The following CTNND2 variants were observed in gnomAD, a reference collection of about 807,000 sequenced individuals.
CTNND2 encodes the protein catenin delta-2.
In CTNND2, 22 loss-of-function variants were observed where a neutral mutation model predicts 144.4. The observed-to-expected ratio is 0.15, with a 90% CI of 0.11 to 0.22. The LOEUF is 0.22. CTNND2 is among the 10% of genes least tolerant of loss of function. CTNND2 has a pLI of 1.00. For missense variants in CTNND2, 1,353 were observed against 1,618.8 expected (o/e 0.84, Z 2.82); for synonymous variants, 751 against 695.6 (o/e 1.08, Z -1.25).
chr5:11,176,177 T>C (rs1179715197), intron 11 of CTNND2, among the ~76,000 whole-genome samples: 1 of 152,208 alleles, frequency 6.6e-6, no homozygotes, highest in Non-Finnish European at 1.5e-5. Context: ...CTTCTTCTTA[T>C]CATTTTTGTG....
At chr5:11,102,858 G>A (rs377708742) in intron 14 of CTNND2, among the ~76,000 whole-genome samples, 5 of 151,964 alleles carry the variant, frequency 3.3e-5, no homozygotes, top group South Asian at 2.1e-4. Flanking sequence ...TAACATATGC[G>A]TGGGGCTGTG....
At chr5:11,059,473 T>C (rs2149592767) in intron 16 of CTNND2, among the ~76,000 whole-genome samples, 1 of 152,344 alleles carries the variant, frequency 6.6e-6, no homozygotes, top group Non-Finnish European at 1.5e-5. Flanking sequence ...TCCCCAGTCA[T>C]GTGGAACTGT....
intron 16 of CTNND2, among the ~76,000 whole-genome samples, chr5:11,044,127 C>T (rs1264636506): frequency 2.0e-5 from 3 of 152,186 alleles, no homozygotes; most frequent in East Asian, 1.9e-4. Flanking sequence ...TGTCTGCTCT[C>T]ATTCTGCAAT....
intron 2 of CTNND2, among the ~76,000 whole-genome samples, chr5:11,585,610 T>C (rs1778799347): frequency 6.6e-6 from 1 of 151,874 alleles, no homozygotes; most frequent in South Asian, 2.1e-4. Flanking sequence ...CAGACAAAAA[T>C]CCCTGCCTTC....
intron 3 of CTNND2, among the ~76,000 whole-genome samples, chr5:11,525,514 T>C (rs1773164251): frequency 6.6e-6 from 1 of 152,180 alleles, no homozygotes; most frequent in South Asian, 2.1e-4. Flanking sequence ...TAACATTCCA[T>C]CACCTACCTA....
At chr5:11,138,800 G>A (rs933912332) in intron 12 of CTNND2, among the ~76,000 whole-genome samples, 31 of 152,290 alleles carry the variant, frequency 2.0e-4, no homozygotes, top group African/African-American at 7.5e-4. Context: ...GGTCATGAGA[G>A]CTCTGCTCCA....
At chr5:11,247,674 A>C (rs527731336) in intron 9 of CTNND2, among the ~76,000 whole-genome samples, 3 of 152,368 alleles carry the variant, frequency 2.0e-5, no homozygotes, top group African/African-American at 7.2e-5. Context: ...GGAATGATGT[A>C]AAATGATTAG....
chr5:11,165,915 A>G (rs1166134833), intron 11 of CTNND2, among the ~76,000 whole-genome samples: 1 of 152,200 alleles, frequency 6.6e-6, no homozygotes, highest in African/African-American at 2.4e-5. Context: ...TGTTTTAATA[A>G]AAGCAAGTTT....
chr5:11,292,579 T>G (rs1748462656), intron 9 of CTNND2, among the ~76,000 whole-genome samples: 1 of 152,110 alleles, frequency 6.6e-6, no homozygotes, highest in Non-Finnish European at 1.5e-5. Context: ...GTTTGACAGT[T>G]CCTCCTTCAC....
chr5:11,512,808 C>T (rs1164607265), intron 3 of CTNND2, among the ~76,000 whole-genome samples: 1 of 152,206 alleles, frequency 6.6e-6, no homozygotes, highest in Non-Finnish European at 1.5e-5. Flanking sequence ...GCTGAGACAA[C>T]ATGAGTGTGT....
chr5:11,697,462 A>T (rs1021200221), intron 2 of CTNND2, among the ~76,000 whole-genome samples: 1 of 152,260 alleles, frequency 6.6e-6, no homozygotes, highest in Non-Finnish European at 1.5e-5. Context: ...AATAAGCATT[A>T]AAATGCATTA....
At chr5:11,899,130 G>A (rs2126336923) in intron 1 of CTNND2, among the ~76,000 whole-genome samples, 1 of 152,162 alleles carries the variant, frequency 6.6e-6, no homozygotes, top group East Asian at 1.9e-4. Flanking sequence ...AATTGGGGAG[G>A]GGGTCTTCCC....
chr5:11,263,107 CA>C (rs1371758696), intron 9 of CTNND2, among the ~76,000 whole-genome samples: 8 of 152,154 alleles, frequency 5.3e-5, no homozygotes, highest in African/African-American at 1.9e-4. Context: ...GTGTGTATGA[CA>C]AGAGAACACC....
intron 2 of CTNND2, among the ~76,000 whole-genome samples, chr5:11,712,679 T>C (rs1311082855): frequency 6.6e-6 from 1 of 152,162 alleles, no homozygotes; most frequent in African/African-American, 2.4e-5. Context: ...TTTTTCTAAA[T>C]TCGTGGTCAC....
At chr5:11,155,711 T>G (rs1758157355) in intron 12 of CTNND2, among the ~76,000 whole-genome samples, 1 of 152,108 alleles carries the variant, frequency 6.6e-6, no homozygotes, top group Non-Finnish European at 1.5e-5. Flanking sequence ...CAACAAAATT[T>G]AAGGCTTTTT....
chr5:11,402,887 G>A (rs1255513246), intron 5 of CTNND2, among the ~76,000 whole-genome samples: 1 of 152,110 alleles, frequency 6.6e-6, no homozygotes, highest in Non-Finnish European at 1.5e-5. Flanking sequence ...GAATATAGAA[G>A]TACCCATTTA....
intron 20 of CTNND2, among the ~76,000 whole-genome samples, chr5:10,982,722 C>A (rs1311316094): frequency 6.6e-6 from 1 of 152,160 alleles, no homozygotes; most frequent in African/African-American, 2.4e-5. Flanking sequence ...GTGCTGTTGA[C>A]AATAGCCTAG....
chr5:11,588,870 A>T, intron 2 of CTNND2: 1 of 985,422 alleles, frequency 1.0e-6, no homozygotes. Context: ...GGTTCCTGGC[A>T]TCCTACCCAC....
intron 10 of CTNND2, among the ~76,000 whole-genome samples, chr5:11,224,381 G>A (rs950918164): frequency 6.6e-6 from 1 of 152,108 alleles, no homozygotes; most frequent in Admixed American, 6.6e-5. Context: ...TGTTCACAAA[G>A]GTTGTAGACC....
Sources: gnomAD v4.1 joint callset for allele counts (sites outside exome capture counted in the v4.1 genomes callset) on GRCh38, gnomAD v4.1.1 for gene constraint, MANE v1.5 for transcripts, NCBI Gene and HGNC (gene_info 2026-07-23, HGNC 2026-07-21) for gene names.